The following CLU variants were observed in gnomAD, a reference collection of about 807,000 sequenced individuals.
CLU encodes the protein clusterin.
CLU carries 25 observed loss-of-function variants against 46.4 expected under a neutral mutation model. The observed-to-expected ratio is 0.54, with a 90% CI of 0.39 to 0.75. CLU has a LOEUF of 0.75. Among genes scored for constraint, CLU ranks in the 30% least tolerant of loss-of-function variants. CLU has a pLI of 0.00. For synonymous variants in CLU, 235 were observed against 235.1 expected (o/e 1.00, Z 0.00); for missense variants, 504 against 592.1 (o/e 0.85, Z 1.54).
At chr8:27,611,888 T>C (rs1454689200) in intron 1 of CLU, 1 of 400,042 alleles carries the variant, frequency 2.5e-6, no homozygotes, top group Non-Finnish European at 5.0e-6. Flanking sequence ...CTGAAATGCC[T>C]CCAGCAGGAA....
Position 27,605,131 on chromosome 8 carries a change from G to T in CLU, c.622C>A (p.Pro208Thr). The T allele has an allele frequency of 6.2e-7, 1 of 1,614,186 alleles. No homozygotes were observed. Among genetic ancestry groups the T allele is most frequent in the Non-Finnish European group, 8.5e-7 (1 of 1,180,044 alleles). ...GGCCTCCGGTGGGGCAGGCTGAAGG[G>T]CAGGTAGTGGTAGGTATCCTGGGGC... ...REPQDTYHYLPFSLPHRRPHF... is the reference protein window; with the variant it reads ...REPQDTYHYLTFSLPHRRPHF... Residue 208 changes from proline (P) to threonine (T), a missense_variant, in exon 5 of 9, where the codon CCC (proline) becomes ACC (threonine). By Grantham distance (38) the Pro-to-Thr change is conservative. Around this residue, in one of 3 missense-constraint regions of CLU, gnomAD observed 428 missense variants for 484.0 expected, o/e 0.88. Coordinates refer to ENST00000316403, the MANE Select transcript of CLU (RefSeq NM_001831.4).
rs1800679891 is a variant in CLU, at chr8:27,599,615, G to T, written c.1164+165C>A. On this transcript the variant is annotated intron_variant, in intron 7 of 8. Transcript: ENST00000316403. This position sits in a 1 kb window ranked among gnomAD's most constrained non-coding sequence, Gnocchi z 4.0. ...TTACTTTGCTCCTTTGTAAAGCAGG[G>T]TTATATTTTCCCTGAGTGGGTGATG... 1 of 632,844 alleles carries T rather than the reference G, an allele frequency of 1.6e-6. No individual in the cohort carries two copies. The highest frequency in any genetic ancestry group is 1.8e-5 in the South Asian group (1 of 54,750). The allele number at this position is 632,844 out of a possible 1,614,324, so 39.2% of individuals were successfully genotyped here. A position where few individuals can be genotyped will look rare whatever the true frequency, so the allele number is the denominator to read the frequency against.
chr8:27,600,703 C>T (rs989033794), intron 6 of CLU, among the ~76,000 whole-genome samples: 1 of 152,138 alleles, frequency 6.6e-6, no homozygotes, highest in African/African-American at 2.4e-5. Flanking sequence ...GCTCTCGTTG[C>T]CCTAGTCCCT....
intron 5 of CLU, among the ~76,000 whole-genome samples, chr8:27,604,648 GT>G (rs1800782835): frequency 6.6e-6 from 1 of 151,872 alleles, no homozygotes; most frequent in Non-Finnish European, 1.5e-5. Context: ...AATTTTTTAA[GT>G]TTTTATTTTT....
chr8:27,598,281 A>G (rs1800648224), intron 8 of CLU, 31 bp from the exon 9 acceptor site: 1 of 1,613,182 alleles, frequency 6.2e-7, no homozygotes, highest in African/African-American at 1.3e-5. Context: ...CCTCCAAAGT[A>G]AAACATCCTC....
At chr8:27,611,475 C>T in intron 1 of CLU, 1 of 456,278 alleles carries the variant, frequency 2.2e-6, no homozygotes, top group Non-Finnish European at 4.4e-6. Context: ...GGGGCACAGG[C>T]CATAGCCCCG....
intron 4 of CLU, among the ~76,000 whole-genome samples, 166 bp from the exon 5 acceptor site, chr8:27,605,501 A>G (rs1800807051): frequency 6.6e-6 from 1 of 152,242 alleles, no homozygotes; most frequent in Non-Finnish European, 1.5e-5. Flanking sequence ...CCCATCTGTC[A>G]GGTCCATGCT....
At chr8:27,608,371 G>A (rs1342133337) in intron 3 of CLU, among the ~76,000 whole-genome samples, 3 of 152,216 alleles carry the variant, frequency 2.0e-5, no homozygotes, top group African/African-American at 4.8e-5. Flanking sequence ...ACCGTGAGAG[G>A]AGGTTTGTAG....
chr8:27,609,283 G>T (rs1216344085), intron 2 of CLU, among the ~76,000 whole-genome samples, 197 bp from the exon 3 acceptor site: 1 of 152,056 alleles, frequency 6.6e-6, no homozygotes, highest in African/African-American at 2.4e-5. Context: ...CTTGCTGACT[G>T]CACCCTACTG....
At chr8:27,602,489 TACTC>T (rs1800738955) in intron 6 of CLU, among the ~76,000 whole-genome samples, 1 of 151,794 alleles carries the variant, frequency 6.6e-6, no homozygotes, top group Admixed American at 6.6e-5. Flanking sequence ...TGTAGTCTGT[TACTC>T]AGGAGGCTGA....
In CLU at chr8:27,598,786, G is replaced by C. The variant is rs567985211; in HGVS notation, c.1165-151C>G. 30 of 731,578 alleles carry C rather than the reference G, an allele frequency of 4.1e-5. 1 individual carries two copies. In the East Asian group the frequency reaches 8.0e-4, roughly 20 times the overall value. 45.3% of individuals were successfully genotyped at this position (731,578 alleles called of 1,614,324 possible). Reference sequence around the variant, plus strand: ...CCCCATGCTTCTTATACATCTAGACGTAAGTACAGCTCAGTGGACAGAACG... The same window carrying C: ...CCCCATGCTTCTTATACATCTAGACCTAAGTACAGCTCAGTGGACAGAACG... On this transcript the variant is annotated intron_variant, in intron 7 of 8. Coordinates refer to ENST00000316403, the MANE Select transcript of CLU (RefSeq NM_001831.4).
At position 27,597,857 on chromosome 8, in the gene CLU, G is replaced by A; in HGVS notation, c.*384C>T. The A allele has an allele frequency of 2.0e-6, 1 of 490,336 alleles. No individual in the cohort carries two copies. The highest frequency in any genetic ancestry group is 4.0e-6 in the Non-Finnish European group (1 of 251,644). 30.4% of individuals were successfully genotyped at this position (490,336 alleles called of 1,614,324 possible). The stretch of plus-strand genomic sequence containing the variant: ...TTCTTCACCCTTTTATTCTTCACTG[G>A]TATGACAGTCCCTATACCATCTTAG... On this transcript the variant is annotated 3_prime_UTR_variant, in exon 9 of 9. Coordinates refer to ENST00000316403, the MANE Select transcript of CLU (RefSeq NM_001831.4).
At chr8:27,611,716 G>T in intron 1 of CLU, 1 of 457,854 alleles carries the variant, frequency 2.2e-6, no homozygotes, top group Non-Finnish European at 4.4e-6. Context: ...ACATTAACAA[G>T]GAGTGCCTCT....
In CLU at chr8:27,604,275, C is replaced by G; in HGVS notation, c.934+16G>C. ...GGGATCAGGGGGGACGGCTTGTGGT[C>G]TGGACCCCGACTCACCCACAGACAA... On this transcript the variant is annotated intron_variant, in intron 6 of 8. Coordinates refer to ENST00000316403, the MANE Select transcript of CLU (RefSeq NM_001831.4). 1.2e-6 allele frequency: 2 copies of G among 1,608,350 alleles called. No individual in the cohort carries two copies. The highest frequency in any genetic ancestry group is 4.5e-5 in the East Asian group (2 of 44,838).
rs112095688 is a variant in CLU, at chr8:27,610,329, A to G, written c.97+146T>C. On this transcript the variant is annotated intron_variant, in intron 2 of 8. Coordinates refer to ENST00000316403, the MANE Select transcript of CLU (RefSeq NM_001831.4). ...CGGAGCTGAGGCTCAGAGTGGGCCC[A>G]GACACAGGCACCCAGACCCAGTGCA... 75 of 726,398 alleles carry G rather than the reference A, an allele frequency of 1.0e-4. No individual in the cohort carries two copies. The African/African-American group carries it at 1.2e-3, about 12-fold the overall frequency. 45.0% of individuals were successfully genotyped at this position (726,398 alleles called of 1,614,324 possible).
chr8:27,611,081 C>T (rs1157741725), intron 1 of CLU: 2 of 409,850 alleles, frequency 4.9e-6, no homozygotes, highest in South Asian at 1.8e-5. Flanking sequence ...GCACCTAAAC[C>T]TTCACCCCAG....
rs186541693 is a variant in CLU at position 27,598,879 on chromosome 8, C to T, written c.1165-244G>A. 602 of 548,838 alleles carry T rather than the reference C, an allele frequency of 1.1e-3. 3 individuals carry two copies. The highest frequency in any genetic ancestry group is 0.011 in the African/African-American group (556 of 51,650). The allele number at this position is 548,838 out of a possible 1,614,324, so 34.0% of individuals were successfully genotyped here. On this transcript the variant is annotated intron_variant, in intron 7 of 8. Coordinates refer to ENST00000316403, the MANE Select transcript of CLU (RefSeq NM_001831.4). ...TGCAAATGACCAGCCCAGGGAGCAC[C>T]CCAAAGAATAAAAGTGGTTTCCAAA...
intron 6 of CLU, among the ~76,000 whole-genome samples, chr8:27,603,680 C>T (rs1053036054): frequency 1.3e-5 from 2 of 152,172 alleles, no homozygotes; most frequent in Non-Finnish European, 2.9e-5. Flanking sequence ...GGTACTGAGA[C>T]CCGTGACTTC....
In CLU at chr8:27,599,777, C is replaced by T. The variant is rs1190967463; in HGVS notation, c.1164+3G>A. On this transcript the variant is annotated splice_donor_region_variant and intron_variant, in intron 7 of 8. Coordinates refer to ENST00000316403, the MANE Select transcript of CLU (RefSeq NM_001831.4). The surrounding 1 kb of genome is among the most constrained non-coding windows in gnomAD (Gnocchi z 4.0). The stretch of plus-strand genomic sequence containing the variant: ...CACAGCATGTGGCCGGGACACAGCT[C>T]ACCGTGGTGACCCGCAGATAGTACT... The T allele has an allele frequency of 1.9e-6, 3 of 1,602,930 alleles. No individual in the cohort carries two copies. The highest frequency in any genetic ancestry group is 4.5e-5 in the East Asian group (2 of 44,374).
Sources: gnomAD v4.1 joint callset for allele counts (sites outside exome capture counted in the v4.1 genomes callset) on GRCh38, gnomAD v4.1.1 for gene constraint, gnomAD v4.1.1 regional missense constraint, Gnocchi (gnomAD v3.1) non-coding constraint, MANE v1.5 for transcripts, NCBI Gene and HGNC (gene_info 2026-07-23, HGNC 2026-07-21) for gene names.